NDST4: variants seen among roughly 807,000 people sequenced by gnomAD.
NDST4 encodes the protein N-deacetylase and N-sulfotransferase 4.
Under a neutral mutation model 100.8 loss-of-function variants are expected in NDST4, and 63 were observed. The observed-to-expected ratio is 0.62, with a 90% confidence interval of 0.51 to 0.77. NDST4 has a LOEUF of 0.77. NDST4 is among the 30% of genes least tolerant of loss of function. NDST4 has a pLI of 0.00. For missense variants in NDST4, 943 were observed against 1,018.4 expected, an observed-to-expected ratio of 0.93 and a Z score of 1.01; for synonymous variants, 377 against 361.8, an observed-to-expected ratio of 1.04 and a Z score of -0.48.
chr4:114,918,957 C>T (rs1377755296), intron 6 of NDST4, among the ~76,000 whole-genome samples: 1 of 152,086 alleles, frequency 6.6e-6, no homozygotes, highest in Non-Finnish European at 1.5e-5. Flanking sequence ...CTCCATTTTT[C>T]CTCCACAGAT....
chr4:114,940,458 T>C (rs1457613913), intron 4 of NDST4, among the ~76,000 whole-genome samples: 2 of 152,226 alleles, frequency 1.3e-5, no homozygotes, highest in South Asian at 2.1e-4. Context: ...AATTGCTTAG[T>C]TGAAATGGGA....
intron 9 of NDST4, among the ~76,000 whole-genome samples, chr4:114,846,891 C>T (rs111344288): frequency 6.6e-6 from 1 of 152,260 alleles, no homozygotes; most frequent in Middle Eastern, 3.4e-3. Context: ...TTTGGGCTCA[C>T]AGATCAGAGA....
At chr4:115,108,725 C>T (rs1010727952) in intron 1 of NDST4, among the ~76,000 whole-genome samples, 2 of 151,878 alleles carry the variant, frequency 1.3e-5, no homozygotes, top group African/African-American at 4.8e-5. Flanking sequence ...ATGTTAAAGT[C>T]AACATCACTA....
intron 2 of NDST4, among the ~76,000 whole-genome samples, chr4:115,025,722 T>A (rs1727969337): frequency 6.6e-6 from 1 of 152,118 alleles, no homozygotes; most frequent in African/African-American, 2.4e-5. Flanking sequence ...GAAGTTAATA[T>A]GCAGAGACAT....
chr4:114,877,712 G>T (rs1321546404), intron 6 of NDST4, among the ~76,000 whole-genome samples: 2 of 152,138 alleles, frequency 1.3e-5, no homozygotes, highest in African/African-American at 4.8e-5. Context: ...ACTTTGGGAG[G>T]CTGGGCGGGC....
At chr4:114,986,919 A>G (rs1260846646) in intron 2 of NDST4, among the ~76,000 whole-genome samples, 2 of 149,728 alleles carry the variant, frequency 1.3e-5, no homozygotes, top group Non-Finnish European at 3.0e-5. Context: ...AGATAAATAT[A>G]TATTTTAACT....
intron 2 of NDST4, among the ~76,000 whole-genome samples, chr4:115,038,828 T>C (rs1200017875): frequency 6.6e-6 from 1 of 151,970 alleles, no homozygotes; most frequent in Non-Finnish European, 1.5e-5. Context: ...ATACAAAAAT[T>C]AATCAAGTGT....
chr4:115,103,816 A>T (rs567493351), intron 1 of NDST4, among the ~76,000 whole-genome samples: 4 of 152,290 alleles, frequency 2.6e-5, no homozygotes, highest in South Asian at 2.1e-4. Flanking sequence ...CCCACCAAAA[A>T]CTAATCCAGG....
intron 1 of NDST4, among the ~76,000 whole-genome samples, chr4:115,078,506 A>G (rs112070862): frequency 0.019 from 2,944 of 152,234 alleles, 58 homozygotes; most frequent in African/African-American, 0.048. Context: ...CAACTATGCT[A>G]CATTGTGCCC....
chr4:115,106,042 T>A (rs929232664), intron 1 of NDST4, among the ~76,000 whole-genome samples: 1 of 152,006 alleles, frequency 6.6e-6, no homozygotes, highest in Admixed American at 6.6e-5. Context: ...CAAAAAGCTT[T>A]TGGATAAATG....
intron 7 of NDST4, among the ~76,000 whole-genome samples, chr4:114,858,602 T>C (rs114478292): frequency 0.012 from 1,797 of 152,280 alleles, 38 homozygotes; most frequent in African/African-American, 0.041. Flanking sequence ...GTCCAACAAA[T>C]AGTTTTTATT....
At chr4:115,044,965 T>C (rs1728434362) in intron 2 of NDST4, among the ~76,000 whole-genome samples, 1 of 151,470 alleles carries the variant, frequency 6.6e-6, no homozygotes, top group Non-Finnish European at 1.5e-5. Context: ...TCGACAAAAA[T>C]GTGAAACAAC....
intron 2 of NDST4, among the ~76,000 whole-genome samples, chr4:115,075,365 T>C (rs1729156250): frequency 6.6e-6 from 1 of 152,204 alleles, no homozygotes; most frequent in Non-Finnish European, 1.5e-5. Context: ...TTTGGCAGGA[T>C]TTGGCAGGGT....
At chr4:114,966,566 A>G (rs563748214) in intron 4 of NDST4, among the ~76,000 whole-genome samples, 26 of 152,228 alleles carry the variant, frequency 1.7e-4, no homozygotes, top group African/African-American at 6.3e-4. Flanking sequence ...CTATGAGAAC[A>G]AGTGTGCTTT....
intron 9 of NDST4, 125 bp from the exon 10 acceptor site, chr4:114,846,122 T>C: frequency 1.3e-6 from 1 of 783,620 alleles, no homozygotes; most frequent in Non-Finnish European, 2.0e-6. Flanking sequence ...GCTGTTATAG[T>C]TTAAATAATA....
chr4:114,840,278 A>C (rs1252948212), intron 10 of NDST4, among the ~76,000 whole-genome samples: 11 of 152,020 alleles, frequency 7.2e-5, no homozygotes, highest in Non-Finnish European at 1.5e-5. Context: ...TCAAACAGGA[A>C]AGGGCCCAGC....
chr4:115,056,472 T>C (rs1257239832), intron 2 of NDST4, among the ~76,000 whole-genome samples: 2 of 152,194 alleles, frequency 1.3e-5, no homozygotes, highest in Non-Finnish European at 2.9e-5. Context: ...CTGTTGATTG[T>C]AGATTATTTT....
chr4:115,099,000 G>A (rs542096809), intron 1 of NDST4, among the ~76,000 whole-genome samples: 1 of 152,276 alleles, frequency 6.6e-6, no homozygotes, highest in East Asian at 1.9e-4. Context: ...GAGCCACCAT[G>A]CCCAGATGTC....
chr4:115,064,907 T>C (rs1370494064), intron 2 of NDST4, among the ~76,000 whole-genome samples: 3 of 152,178 alleles, frequency 2.0e-5, no homozygotes, highest in Admixed American at 6.6e-5. Flanking sequence ...ACATTTATTG[T>C]TTCAGAAGAC....
Sources: allele counts gnomAD v4.1 joint callset (sites outside exome capture counted in the v4.1 genomes callset), GRCh38; gene constraint gnomAD v4.1.1; transcripts MANE v1.5; gene names NCBI Gene and HGNC (gene_info 2026-07-23, HGNC 2026-07-21).